The following DPYSL3 variants were observed in gnomAD, a reference collection of about 807,000 sequenced individuals.
DPYSL3 encodes the protein dihydropyrimidinase like 3, also known as dihydropyrimidinase-related protein 3.
In DPYSL3, 16 loss-of-function variants were observed where a neutral mutation model predicts 66.1. The ratio of observed to expected loss-of-function variants is 0.24; its 90% CI spans 0.16 to 0.37. The LOEUF (loss-of-function observed/expected upper bound fraction) is 0.37, where lower values mean the gene tolerates loss of function less well. DPYSL3 is among the 10% of genes least tolerant of loss of function. The pLI, the probability that DPYSL3 is intolerant of heterozygous loss-of-function variation, is 1.00. For missense variants in DPYSL3, 738 were observed against 916.2 expected, an observed-to-expected ratio of 0.81 and a Z score of 2.51; for synonymous variants, 338 against 345.1, an observed-to-expected ratio of 0.98 and a Z score of 0.23.
intron 1 of DPYSL3, among the ~76,000 whole-genome samples, chr5:147,505,874 C>T (rs968955900): frequency 6.6e-6 from 1 of 152,104 alleles, no homozygotes; most frequent in Non-Finnish European, 1.5e-5. Context: ...GCTGACACGA[C>T]GGCCAGGCTG....
intron 1 of DPYSL3, among the ~76,000 whole-genome samples, chr5:147,458,579 G>T (rs143454509): frequency 0.025 from 3,820 of 152,166 alleles, 181 homozygotes; most frequent in African/African-American, 0.087. Context: ...TCTTGCACAA[G>T]ATCCAAGAAC....
intron 1 of DPYSL3, among the ~76,000 whole-genome samples, chr5:147,426,864 AT>A (rs1214190355): frequency 1.3e-5 from 2 of 151,868 alleles, no homozygotes; most frequent in Admixed American, 6.6e-5. Context: ...AGGGGAAATT[AT>A]TTTTTTAAAG....
intron 6 of DPYSL3, among the ~76,000 whole-genome samples, chr5:147,410,230 G>A (rs1437449249): frequency 6.6e-6 from 1 of 152,144 alleles, no homozygotes; most frequent in Non-Finnish European, 1.5e-5. Context: ...CCAGGATAAT[G>A]CACAGGACAA....
chr5:147,462,730 G>A (rs557825395), intron 1 of DPYSL3, among the ~76,000 whole-genome samples: 1 of 152,162 alleles, frequency 6.6e-6, no homozygotes, highest in South Asian at 2.1e-4. Context: ...TAACAGATTT[G>A]CCTGCAGTGT....
chr5:147,420,490 C>T (rs1581184179), intron 2 of DPYSL3, among the ~76,000 whole-genome samples: 1 of 152,090 alleles, frequency 6.6e-6, no homozygotes, highest in East Asian at 1.9e-4. Flanking sequence ...ACTAAAAGGT[C>T]CCGGGGGAAG....
intron 1 of DPYSL3, among the ~76,000 whole-genome samples, chr5:147,497,676 G>A (rs1031490781): frequency 6.6e-6 from 1 of 150,380 alleles, no homozygotes; most frequent in East Asian, 2.0e-4. Context: ...TACTGAAAAA[G>A]CATTTGGCAA....
intron 1 of DPYSL3, among the ~76,000 whole-genome samples, chr5:147,441,993 C>T (rs191511718): frequency 5.9e-5 from 9 of 152,252 alleles, no homozygotes; most frequent in African/African-American, 1.9e-4. Flanking sequence ...CTCTATAAGG[C>T]CATAATTTAA....
intron 4 of DPYSL3, 46 bp downstream of exon 4, chr5:147,415,663 C>T (rs2152021626): frequency 6.3e-7 from 1 of 1,593,502 alleles, no homozygotes; most frequent in South Asian, 1.2e-5. Flanking sequence ...GAAGGACTGG[C>T]AAGAAGAAGC....
chr5:147,445,960 T>C (rs1294812866), intron 1 of DPYSL3, among the ~76,000 whole-genome samples: 1 of 152,198 alleles, frequency 6.6e-6, no homozygotes, highest in African/African-American at 2.4e-5. Context: ...GTCTACTCCC[T>C]GAATGAGAAA....
intron 7 of DPYSL3, among the ~76,000 whole-genome samples, chr5:147,406,889 C>T (rs975518334): frequency 2.0e-5 from 3 of 152,208 alleles, no homozygotes; most frequent in Admixed American, 6.5e-5. Flanking sequence ...TGTAGCTCAG[C>T]AGACAGACCT....
At chr5:147,399,000 C>T (rs2152016110) in intron 11 of DPYSL3, 82 bp downstream of exon 11, 1 of 1,535,356 alleles carries the variant, frequency 6.5e-7, no homozygotes, top group Non-Finnish European at 8.8e-7. Flanking sequence ...TACCCTGGCA[C>T]ACCACATAAA....
intron 1 of DPYSL3, among the ~76,000 whole-genome samples, chr5:147,504,843 T>C (rs986057561): frequency 1.3e-5 from 2 of 152,204 alleles, no homozygotes; most frequent in Non-Finnish European, 2.9e-5. Context: ...ACCCCTGTAA[T>C]CATAATGTCA....
chr5:147,418,646 A>C lies in DPYSL3; in HGVS notation c.471-15T>G. The C allele has an allele frequency of 6.4e-7, 1 of 1,561,980 alleles. No individual in the cohort carries two copies. Among genetic ancestry groups the C allele is most frequent in the Non-Finnish European group, 8.7e-7 (1 of 1,149,792 alleles). ...CTCCAATTTGTCTGGTGAAACAAAC[A>C]AACAAAAAAATGATCAAACACTTGG... On this transcript the variant is annotated splice_polypyrimidine_tract_variant and intron_variant, in intron 2 of 13. Transcript: ENST00000343218.
chr5:147,464,660 T>C lies in DPYSL3; in HGVS notation c.382-39697A>G, dbSNP rs549379289. On this transcript the variant is annotated intron_variant, in intron 1 of 13. Coordinates refer to ENST00000343218, the MANE Select transcript of DPYSL3 (RefSeq NM_001197294.2). ...GTATAGACAAGTACATCAGCCATAATGTACTTGAGCCTGAGAAAGCCATGG... is the reference window on the plus strand; with the variant it reads ...GTATAGACAAGTACATCAGCCATAACGTACTTGAGCCTGAGAAAGCCATGG... Among the ~76,000 whole-genome samples the C allele has an allele frequency of 5.3e-5, 8 of 152,306 alleles. No individual in the cohort carries two copies. The South Asian group carries it at 1.4e-3, about 28-fold the overall frequency.
chr5:147,417,720 AT>A (rs909273238), intron 3 of DPYSL3, among the ~76,000 whole-genome samples: 4 of 152,002 alleles, frequency 2.6e-5, no homozygotes, highest in Non-Finnish European at 4.4e-5. Context: ...AACTCCCTAG[AT>A]TTTTTTTGGA....
At chr5:147,462,173 C>T (rs989618309) in intron 1 of DPYSL3, among the ~76,000 whole-genome samples, 2 of 152,114 alleles carry the variant, frequency 1.3e-5, no homozygotes, top group Non-Finnish European at 2.9e-5. Context: ...GCCTCAAGTA[C>T]ATTGTACATA....
chr5:147,412,192 T>TC (rs1751868161), intron 6 of DPYSL3, among the ~76,000 whole-genome samples: 1 of 152,246 alleles, frequency 6.6e-6, no homozygotes, highest in East Asian at 1.9e-4. Flanking sequence ...TATCTAAGGC[T>TC]ATGAGTTCCA....
intron 1 of DPYSL3, chr5:147,453,842 G>GT: frequency 7.1e-6 from 7 of 990,766 alleles, no homozygotes; most frequent in East Asian, 6.9e-5. Flanking sequence ...TCACGCCCGG[G>GT]TTTTGTTTTT....
At chr5:147,425,548 T>C (rs893766960) in intron 1 of DPYSL3, among the ~76,000 whole-genome samples, 1 of 152,244 alleles carries the variant, frequency 6.6e-6, no homozygotes, top group Non-Finnish European at 1.5e-5. Context: ...GCAAAGTATC[T>C]ATAGTATTTA....
Sources: gnomAD v4.1 joint callset for allele counts (sites outside exome capture counted in the v4.1 genomes callset) on GRCh38, gnomAD v4.1.1 for gene constraint, MANE v1.5 for transcripts, NCBI Gene and HGNC (gene_info 2026-07-23, HGNC 2026-07-21) for gene names.